The following PHF21B variants were observed in gnomAD, a reference collection of about 807,000 sequenced individuals.
PHF21B encodes PHD finger protein 21B.
PHF21B carries 22 observed loss-of-function variants against 62.2 expected under a neutral mutation model. The ratio of observed to expected loss-of-function variants is 0.35; its 90% CI spans 0.25 to 0.51. The LOEUF (loss-of-function observed/expected upper bound fraction) is 0.51, where lower values mean the gene tolerates loss of function less well. Ranked by LOEUF, PHF21B falls within the 20% of genes least tolerant of loss-of-function variation. The probability of loss-of-function intolerance (pLI) is 0.97; values close to 1 mark genes in which losing one functional copy is unlikely to be tolerated. For missense variants in PHF21B, 701 were observed against 707.9 expected (o/e 0.99, Z 0.11); for synonymous variants, 341 against 314.7 (o/e 1.08, Z -0.88).
At chr22:44,898,359 G>A (rs2038218476) in intron 5 of PHF21B, among the ~76,000 whole-genome samples, 1 of 152,138 alleles carries the variant, frequency 6.6e-6, no homozygotes, top group South Asian at 2.1e-4. Flanking sequence ...ATCGCAGCAA[G>A]GGCGTAGACC....
intron 2 of PHF21B, among the ~76,000 whole-genome samples, chr22:44,975,673 G>A (rs1326145802): frequency 2.0e-5 from 3 of 152,188 alleles, no homozygotes; most frequent in East Asian, 1.9e-4. Flanking sequence ...CCAAAGCTGC[G>A]GCCAAATCAG....
chr22:44,889,991 G>A (rs1304244385), intron 8 of PHF21B, among the ~76,000 whole-genome samples: 1 of 150,108 alleles, frequency 6.7e-6, no homozygotes, highest in Non-Finnish European at 1.5e-5. Context: ...TTACCCCAGG[G>A]CATGATGGGA....
intron 5 of PHF21B, among the ~76,000 whole-genome samples, chr22:44,911,774 A>G (rs2071347690): frequency 6.6e-6 from 1 of 152,218 alleles, no homozygotes; most frequent in African/African-American, 2.4e-5. Flanking sequence ...CCCTACACGG[A>G]GTCTCTACTG....
chr22:44,883,313 G>C lies in PHF21B; in HGVS notation c.1378-9C>G. The C allele has an allele frequency of 6.2e-7, 1 of 1,612,476 alleles. No homozygotes were observed. The highest frequency in any genetic ancestry group is 1.7e-5 in the Admixed American group (1 of 59,970). On this transcript the variant is annotated splice_polypyrimidine_tract_variant and intron_variant, in intron 12 of 12. Coordinates refer to ENST00000313237, the MANE Select transcript of PHF21B (RefSeq NM_138415.5). Reference sequence around the variant, plus strand: ...TTCAACTCCAGGCATTTCTGTTGGGGAGAAGGTCAGGGGAAAGGGTCTCAG... The same window carrying C: ...TTCAACTCCAGGCATTTCTGTTGGGCAGAAGGTCAGGGGAAAGGGTCTCAG...
chr22:44,995,147 G>T (rs560311388), intron 2 of PHF21B, among the ~76,000 whole-genome samples: 1 of 152,198 alleles, frequency 6.6e-6, no homozygotes, highest in Non-Finnish European at 1.5e-5. Context: ...GTATGGGGGG[G>T]ATGAATTACT....
intron 5 of PHF21B, among the ~76,000 whole-genome samples, chr22:44,907,725 CA>C (rs1426062215): frequency 6.6e-6 from 1 of 152,184 alleles, no homozygotes; most frequent in African/African-American, 2.4e-5. Flanking sequence ...GGCATTTGCA[CA>C]ACACGCTGAA....
At chr22:44,917,228 G>C (rs939866421) in intron 3 of PHF21B, among the ~76,000 whole-genome samples, 4 of 152,230 alleles carry the variant, frequency 2.6e-5, no homozygotes, top group African/African-American at 9.6e-5. Flanking sequence ...CTGTTGGTTT[G>C]GGCCCAATCC....
At chr22:44,970,797 G>A (rs1344984735) in intron 2 of PHF21B, 2 of 152,276 alleles carry the variant, frequency 1.3e-5, no homozygotes, top group African/African-American at 4.8e-5. Flanking sequence ...AGCCAGGAAA[G>A]ATTTGGGGGA....
chr22:44,938,800 G>A (rs903919514), intron 2 of PHF21B, among the ~76,000 whole-genome samples: 5 of 152,220 alleles, frequency 3.3e-5, no homozygotes, highest in Non-Finnish European at 5.9e-5. Context: ...CAGGTTCTGG[G>A]TGGCACTGAA....
intron 2 of PHF21B, among the ~76,000 whole-genome samples, chr22:44,944,724 C>T (rs551355699): frequency 6.6e-6 from 1 of 152,292 alleles, no homozygotes; most frequent in East Asian, 1.9e-4. Flanking sequence ...AGAACATCCC[C>T]AGAGCCAGGA....
chr22:45,006,854 AT>A (rs5845686), intron 2 of PHF21B, among the ~76,000 whole-genome samples: 32,099 of 145,516 alleles, frequency 0.22, 4,224 homozygotes, highest in East Asian at 0.74. Context: ...CTGGTGGCAG[AT>A]TTTTTTTTTT....
chr22:44,939,914 T>A (rs761343851), intron 2 of PHF21B, among the ~76,000 whole-genome samples: 1 of 152,024 alleles, frequency 6.6e-6, no homozygotes, highest in African/African-American at 2.4e-5. Flanking sequence ...TAAGACATGG[T>A]TGGGCTCTGG....
intron 2 of PHF21B, among the ~76,000 whole-genome samples, chr22:44,932,486 A>G (rs779372300): frequency 3.3e-5 from 5 of 152,172 alleles, no homozygotes; most frequent in African/African-American, 7.2e-5. Context: ...GCAAAATCCA[A>G]TCGATGGTAG....
rs558677392 is a variant in PHF21B at position 44,965,362 on chromosome 22, C to T, written c.120+43183G>A. 5.3e-5 allele frequency among the ~76,000 whole-genome samples: 8 copies of T among 152,194 alleles called. No individual in the cohort carries two copies. The East Asian group carries it at 7.7e-4, about 15-fold the overall frequency. On this transcript the variant is annotated intron_variant, in intron 2 of 12. Coordinates refer to ENST00000313237, the MANE Select transcript of PHF21B (RefSeq NM_138415.5). ...TTTGGGTCTGTGCCTATCCCTCCCC[C>T]GCCACCACTACACTAGCCACCTGCA...
At chr22:44,965,966 A>C (rs2072517434) in intron 2 of PHF21B, among the ~76,000 whole-genome samples, 1 of 152,160 alleles carries the variant, frequency 6.6e-6, no homozygotes, top group African/African-American at 2.4e-5. Flanking sequence ...CCCACTTCCA[A>C]AGGCCCGGCT....
chr22:44,999,624 T>C (rs1881118673), intron 2 of PHF21B, among the ~76,000 whole-genome samples: 1 of 152,174 alleles, frequency 6.6e-6, no homozygotes, highest in African/African-American at 2.4e-5. Flanking sequence ...TCTGACCGTG[T>C]GCCCCGGAGT....
At chr22:44,964,558 C>T (rs1297851244) in intron 2 of PHF21B, among the ~76,000 whole-genome samples, 1 of 152,194 alleles carries the variant, frequency 6.6e-6, no homozygotes, top group African/African-American at 2.4e-5. Context: ...TTAAATGACC[C>T]GATTATGCTA....
chr22:44,904,008 C>T (rs1192831722), intron 5 of PHF21B, among the ~76,000 whole-genome samples: 3 of 151,806 alleles, frequency 2.0e-5, no homozygotes, highest in East Asian at 3.9e-4. Flanking sequence ...TTTTCATTTC[C>T]TACTTCTTGG....
intron 2 of PHF21B, among the ~76,000 whole-genome samples, chr22:44,936,227 C>T (rs1323654037): frequency 6.6e-6 from 1 of 152,220 alleles, no homozygotes; most frequent in East Asian, 1.9e-4. Context: ...TCCGCCTTGT[C>T]ACCTGCATGA....
Sources: allele counts gnomAD v4.1 joint callset (sites outside exome capture counted in the v4.1 genomes callset), GRCh38; gene constraint gnomAD v4.1.1; transcripts MANE v1.5; gene names NCBI Gene and HGNC (gene_info 2026-07-23, HGNC 2026-07-21).